The following HEATR1 variants were observed in gnomAD, a reference collection of about 807,000 sequenced individuals.
HEATR1 encodes the protein HEAT repeat containing 1.
HEATR1 carries 77 observed loss-of-function variants against 248.2 expected under a neutral mutation model. The ratio of observed to expected loss-of-function variants is 0.31; its 90% CI spans 0.26 to 0.37. The LOEUF (loss-of-function observed/expected upper bound fraction) is 0.37, where lower values mean the gene tolerates loss of function less well. Among genes scored for constraint, HEATR1 ranks in the 10% least tolerant of loss-of-function variants. The pLI is 1.00. For synonymous variants in HEATR1, 897 were observed against 923.1 expected (o/e 0.97, Z 0.51); for missense variants, 2,420 against 2,504.9 (o/e 0.97, Z 0.72).
intron 28 of HEATR1, among the ~76,000 whole-genome samples, chr1:236,571,118 C>A (rs1663413903): frequency 6.6e-6 from 1 of 152,184 alleles, no homozygotes; most frequent in Non-Finnish European, 1.5e-5. Context: ...ATTCCCCCAA[C>A]AATCCAGTGA....
chr1:236,593,941 C>G (rs549440589), intron 9 of HEATR1, 71 bp downstream of exon 9: 2 of 1,023,614 alleles, frequency 2.0e-6, no homozygotes, highest in South Asian at 2.9e-5. Flanking sequence ...TGGGAAATTT[C>G]TAACCAATCT....
At chr1:236,597,135 A>AC (rs1427400102) in intron 5 of HEATR1, among the ~76,000 whole-genome samples, 159 bp from the exon 6 acceptor site, 2 of 152,004 alleles carry the variant, frequency 1.3e-5, no homozygotes, top group African/African-American at 4.8e-5. Context: ...CAAAAAAAAA[A>AC]AAAGTGAAAG....
intron 40 of HEATR1, 41 bp from the exon 41 acceptor site, chr1:236,555,505 C>T (rs113179142): frequency 6.2e-7 from 1 of 1,613,964 alleles, no homozygotes; most frequent in African/African-American, 1.3e-5. Flanking sequence ...GACATCTTGT[C>T]ACTTAAATCT....
At chr1:236,560,225 G>T (rs994853831) in intron 33 of HEATR1, among the ~76,000 whole-genome samples, 3 of 151,570 alleles carry the variant, frequency 2.0e-5, no homozygotes, top group African/African-American at 4.9e-5. Flanking sequence ...CACACACACA[G>T]GCACACACAC....
At chr1:236,555,247 A>ATAAG (rs1289819678) in intron 41 of HEATR1, 49 bp downstream of exon 41, 1 of 1,586,540 alleles carries the variant, frequency 6.3e-7, no homozygotes, top group East Asian at 2.2e-5. Context: ...GGTACCTTGT[A>ATAAG]TAAGGCACAC....
chr1:236,582,559 T>C (rs1252642907), intron 19 of HEATR1, among the ~76,000 whole-genome samples, 177 bp downstream of exon 19: 1 of 152,112 alleles, frequency 6.6e-6, no homozygotes, highest in Non-Finnish European at 1.5e-5. Flanking sequence ...CCCATCACCA[T>C]GCCTGGCTAA....
chr1:236,588,336 C>T (rs1196195079), intron 12 of HEATR1, among the ~76,000 whole-genome samples: 1 of 152,118 alleles, frequency 6.6e-6, no homozygotes, highest in Non-Finnish European at 1.5e-5. Flanking sequence ...AAAGTGAGAG[C>T]CCAGATATTG....
intron 11 of HEATR1, 127 bp downstream of exon 11, chr1:236,591,866 T>C: frequency 5.6e-6 from 3 of 539,958 alleles, no homozygotes; most frequent in East Asian, 5.5e-5. Flanking sequence ...CTAGGCAAAC[T>C]GTAGAAGGTT....
intron 44 of HEATR1, chr1:236,551,421 A>C (rs530653200): frequency 6.1e-6 from 1 of 163,258 alleles, no homozygotes; most frequent in Non-Finnish European, 1.3e-5. Context: ...TATGTTCCAG[A>C]ACTGTCACAG....
intron 20 of HEATR1, 81 bp from the exon 21 acceptor site, chr1:236,577,030 T>TA: frequency 1.2e-5 from 13 of 1,107,122 alleles, no homozygotes; most frequent in South Asian, 1.9e-5. Context: ...CCAAAGGTAC[T>TA]TGATAAAAAG....
At chr1:236,551,929 G>A in intron 44 of HEATR1, 70 bp downstream of exon 44, 1 of 995,684 alleles carries the variant, frequency 1.0e-6, no homozygotes, top group African/African-American at 1.6e-5. Flanking sequence ...TTATCATTGG[G>A]CACATTTTCA....
At chr1:236,586,563 A>C (rs1464173362) in intron 14 of HEATR1, 111 bp from the exon 15 acceptor site, 2 of 679,774 alleles carry the variant, frequency 2.9e-6, no homozygotes, top group Non-Finnish European at 5.2e-6. Context: ...TGGTCTCCTG[A>C]CCAAAACTAT....
Position 236,604,107 on chromosome 1 carries a change from G to T in HEATR1, c.-12C>A. ...GCTAAGGACGTCATCTTTCACGCCA[G>T]CGGAGTTTTAATGACACGGGCTAAA... is the stretch of plus-strand genomic sequence containing the variant. On this transcript the variant is annotated 5_prime_UTR_variant, in exon 2 of 45. The change creates a new upstream start codon in the 5' untranslated region. Coordinates refer to ENST00000366582, the MANE Select transcript of HEATR1 (RefSeq NM_018072.6). 2 of 1,549,340 alleles carry T rather than the reference G, an allele frequency of 1.3e-6. No homozygotes were observed. Among genetic ancestry groups the T allele is most frequent in the African/African-American group, 2.8e-5 (2 of 70,926 alleles).
Position 236,558,525 on chromosome 1 carries a change from G to A in HEATR1, c.4916C>T (p.Thr1639Ile). The A allele has an allele frequency of 1.2e-6, 2 of 1,610,250 alleles. No homozygotes were observed. The highest frequency in any genetic ancestry group is 1.7e-6 in the Non-Finnish European group (2 of 1,177,308). The change falls in exon 36 of 45, where the codon ACC (threonine) becomes ATC (isoleucine). Residue 1639 changes from threonine (T) to isoleucine (I), a missense_variant. Coordinates refer to ENST00000366582, the MANE Select transcript of HEATR1 (RefSeq NM_018072.6). Reference sequence around the variant, plus strand: ...GTCTGGAACCAGTTTTAGGAAACGGGTAACCTGAAGGGGACAGCCAGAATC... The same window carrying A: ...GTCTGGAACCAGTTTTAGGAAACGGATAACCTGAAGGGGACAGCCAGAATC... ...QNISWKKTIV[T>I]RFLKLVPDLL...
intron 19 of HEATR1, among the ~76,000 whole-genome samples, chr1:236,582,143 C>T (rs547919805): frequency 1.3e-5 from 2 of 152,186 alleles, no homozygotes; most frequent in South Asian, 2.1e-4. Flanking sequence ...CTCGCTCTGT[C>T]GCCCAGGCTG....
At position 236,586,272 on chromosome 1, in the gene HEATR1, G is replaced by A. The variant is rs1350006581; in HGVS notation, c.1896C>T (p.Ser632=). The change falls in exon 15 of 45, where the codon TCC becomes TCT. Residue 632 remains serine, a synonymous_variant. Transcript: ENST00000366582. ...CCCAGCCTCTTAATAGAGGGTGCAG[G>A]GAGCAGATTCCTGATTTTGATAAAT... ...AIYLSKSGIC[S]LHPLLRGWEE... is the part of the protein sequence containing the mutation. The A allele has an allele frequency of 2.5e-6, 4 of 1,612,730 alleles. No homozygotes were observed. The East Asian group carries it at 6.7e-5, about 27-fold the overall frequency.
Position 236,565,973 on chromosome 1 carries a change from G to GT in HEATR1, c.4380dup (p.Gln1461ThrfsTer28). On this transcript the variant is annotated frameshift_variant, in exon 31 of 45. Coordinates refer to ENST00000366582, the MANE Select transcript of HEATR1 (RefSeq NM_018072.6). LOFTEE classifies it high-confidence loss of function. ...TACTGGAGGATATTCATCAAGCTTT[G>GT]TATCTGATGCTGGACACTAAACTCA... 1 of 1,613,808 alleles carries GT rather than the reference G, an allele frequency of 6.2e-7. No individual in the cohort carries two copies. The highest frequency in any genetic ancestry group is 8.5e-7 in the Non-Finnish European group (1 of 1,179,842).
At chr1:236,558,633 G>T in intron 35 of HEATR1, 104 bp from the exon 36 acceptor site, 1 of 1,155,816 alleles carries the variant, frequency 8.7e-7, no homozygotes, top group South Asian at 1.6e-5. Context: ...AATCAGACTC[G>T]GGGGTCCTGA....
chr1:236,603,786 A>G (rs1180036422), intron 2 of HEATR1, among the ~76,000 whole-genome samples, 168 bp downstream of exon 2: 2 of 151,834 alleles, frequency 1.3e-5, no homozygotes, highest in Non-Finnish European at 2.9e-5. Flanking sequence ...TTCAAGCACC[A>G]AGCACCTGAC....
Sources: gnomAD v4.1 joint callset for allele counts (sites outside exome capture counted in the v4.1 genomes callset) on GRCh38, gnomAD v4.1.1 for gene constraint, MANE v1.5 for transcripts, NCBI Gene and HGNC (gene_info 2026-07-23, HGNC 2026-07-21) for gene names.